PDE1C: variants seen among roughly 807,000 people sequenced by gnomAD.
PDE1C encodes phosphodiesterase 1C, also known as dual specificity calcium/calmodulin-dependent 3',5'-cyclic nucleotide phosphodiesterase 1C.
Under a neutral mutation model 93.1 loss-of-function variants are expected in PDE1C, and 62 were observed. That is an observed-to-expected ratio of 0.67 (90% CI 0.54 to 0.82). The LOEUF is 0.82. Among genes scored for constraint, PDE1C ranks in the 40% least tolerant of loss-of-function variants. The pLI, the probability that PDE1C is intolerant of heterozygous loss-of-function variation, is 0.00. For synonymous variants in PDE1C, 325 were observed against 310.1 expected, an observed-to-expected ratio of 1.05 and a Z score of -0.50; for missense variants, 742 against 884.6, an observed-to-expected ratio of 0.84 and a Z score of 2.04.
At chr7:32,101,277 C>T (rs1798023625) in intron 3 of PDE1C, among the ~76,000 whole-genome samples, 1 of 152,092 alleles carries the variant, frequency 6.6e-6, no homozygotes, top group South Asian at 2.1e-4. Flanking sequence ...TACCGGATAC[C>T]CAAGATATAT....
At chr7:32,348,565 A>G (rs1396583293) in intron 1 of PDE1C, among the ~76,000 whole-genome samples, 3 of 152,008 alleles carry the variant, frequency 2.0e-5, no homozygotes, top group African/African-American at 4.8e-5. Context: ...GGGTTTCACC[A>G]TGTTAGCCAG....
intron 1 of PDE1C, 73 bp downstream of exon 1, chr7:32,070,220 G>C: frequency 6.2e-7 from 1 of 1,602,366 alleles, no homozygotes; most frequent in African/African-American, 1.3e-5. Context: ...GTGAGCAGTC[G>C]TGACTGCGGC....
intron 1 of PDE1C, among the ~76,000 whole-genome samples, chr7:32,328,775 A>C (rs1585111307): frequency 1.3e-5 from 2 of 152,222 alleles, no homozygotes; most frequent in Non-Finnish European, 2.9e-5. Flanking sequence ...ACGCTTACAC[A>C]ATCTCCACAT....
chr7:31,771,328 G>T (rs1313408641), intron 17 of PDE1C, among the ~76,000 whole-genome samples: 3 of 152,148 alleles, frequency 2.0e-5, no homozygotes, highest in East Asian at 3.8e-4. Context: ...GTTATTTTAT[G>T]TTCCTAGAAG....
upstream of PDE1C, chr7:32,070,508 C>T: frequency 6.6e-7 from 1 of 1,526,582 alleles, no homozygotes; most frequent in South Asian, 1.3e-5. Flanking sequence ...TTGCCCGGCA[C>T]TTTCTCGGCG....
chr7:32,293,309 C>G (rs1029640466), intron 1 of PDE1C, among the ~76,000 whole-genome samples: 1 of 152,188 alleles, frequency 6.6e-6, no homozygotes, highest in Non-Finnish European at 1.5e-5. Context: ...GGGTTTCCCA[C>G]AGCAAATACA....
At chr7:32,017,835 T>A (rs1156732528) in intron 2 of PDE1C, among the ~76,000 whole-genome samples, 1 of 151,964 alleles carries the variant, frequency 6.6e-6, no homozygotes, top group African/African-American at 2.4e-5. Flanking sequence ...TCCCAGCACT[T>A]TGGGAGGCTG....
intron 3 of PDE1C, among the ~76,000 whole-genome samples, chr7:32,105,833 T>C (rs73100652): frequency 0.2 from 30,842 of 151,448 alleles, 3,783 homozygotes; most frequent in Middle Eastern, 0.31. Flanking sequence ...GTCTGGAAAA[T>C]TTTTTTCTTA....
chr7:31,817,868 T>C (rs1048015398), intron 14 of PDE1C, among the ~76,000 whole-genome samples: 2 of 152,170 alleles, frequency 1.3e-5, no homozygotes, highest in Non-Finnish European at 2.9e-5. Context: ...ACATGTATTT[T>C]GTGAAAGTCT....
intron 2 of PDE1C, among the ~76,000 whole-genome samples, chr7:32,183,031 G>C (rs1803554376): frequency 6.6e-6 from 1 of 152,074 alleles, no homozygotes; most frequent in Non-Finnish European, 1.5e-5. Flanking sequence ...GCCAAATCGT[G>C]AGTGAATTCC....
chr7:31,915,397 A>G (rs1448930869), intron 2 of PDE1C, among the ~76,000 whole-genome samples: 1 of 152,136 alleles, frequency 6.6e-6, no homozygotes, highest in Non-Finnish European at 1.5e-5. Context: ...ATCTTCCTAA[A>G]AATCCCTGCC....
At chr7:32,354,317 T>G (rs879479825) in intron 1 of PDE1C, among the ~76,000 whole-genome samples, 2 of 152,170 alleles carry the variant, frequency 1.3e-5, no homozygotes, top group Non-Finnish European at 2.9e-5. Context: ...CACAGAGATC[T>G]CTGCAGTTTT....
the PDE1C span, among the ~76,000 whole-genome samples, chr7:31,728,963 G>A: frequency 2.0e-5 from 3 of 152,338 alleles, no homozygotes; most frequent in South Asian, 6.2e-4. Flanking sequence ...CTAGAGCCCA[G>A]ACTTCTTGCC....
intron 2 of PDE1C, among the ~76,000 whole-genome samples, chr7:31,939,230 A>AAGG (rs111840541): frequency 7.3e-5 from 11 of 151,712 alleles, no homozygotes; most frequent in African/African-American, 1.5e-4. Context: ...GAAGAAGAAG[A>AAGG]AGGAGGAGGA....
chr7:31,976,784 C>A (rs192399609), intron 2 of PDE1C, among the ~76,000 whole-genome samples: 15 of 152,202 alleles, frequency 9.9e-5, no homozygotes, highest in Middle Eastern at 3.4e-3. Flanking sequence ...CAAAGGTTTC[C>A]CATTGTACTT....
rs1283561868 is a variant in PDE1C, at chr7:31,776,569, A to AT, written c.1892-838dup. 1.2e-4 allele frequency among the ~76,000 whole-genome samples: 19 copies of AT among 152,112 alleles called. 1 individual carries two copies. Among genetic ancestry groups the AT allele is most frequent in the Admixed American group, 1.2e-3 (18 of 15,272 alleles). On this transcript the variant is annotated intron_variant, in intron 16 of 17. Coordinates refer to ENST00000396191, the MANE Select transcript of PDE1C (RefSeq NM_001191057.4). The stretch of plus-strand genomic sequence containing the variant: ...GAGAGGTCCTGCCAAAAAATTTTAC[A>AT]TTTTTTGTATATATGTATGTGGGTG...
intron 2 of PDE1C, among the ~76,000 whole-genome samples, chr7:32,186,251 C>T (rs546032159): frequency 6.6e-6 from 1 of 151,928 alleles, no homozygotes; most frequent in East Asian, 1.9e-4. Context: ...TACAGGCGCC[C>T]GCCACCGCGC....
At chr7:31,781,686 G>A (rs997365782) in intron 16 of PDE1C, among the ~76,000 whole-genome samples, 7 of 148,626 alleles carry the variant, frequency 4.7e-5, no homozygotes, top group Non-Finnish European at 8.9e-5. Context: ...GGTCTTCAAC[G>A]CCCCACCCCC....
chr7:32,087,575 A>T (rs1441080134), intron 3 of PDE1C, among the ~76,000 whole-genome samples: 2 of 152,212 alleles, frequency 1.3e-5, no homozygotes, highest in African/African-American at 2.4e-5. Context: ...AGCACTATTC[A>T]CAATAGCAAA....
Sources: gnomAD v4.1 joint callset for allele counts (sites outside exome capture counted in the v4.1 genomes callset) on GRCh38, gnomAD v4.1.1 for gene constraint, MANE v1.5 for transcripts, NCBI Gene and HGNC (gene_info 2026-07-23, HGNC 2026-07-21) for gene names.